Variants in AKAP6 observed in about 807,000 individuals in gnomAD.
AKAP6 encodes the protein A-kinase anchoring protein 6, also known as A-kinase anchor protein 6.
A neutral mutation model predicts 188.5 loss-of-function variants in AKAP6; 58 were observed. The observed-to-expected ratio is 0.31, with a 90% CI of 0.25 to 0.38. AKAP6 has a LOEUF of 0.38. Ranked by LOEUF, AKAP6 falls within the 10% of genes least tolerant of loss-of-function variation. The pLI, the probability that AKAP6 is intolerant of heterozygous loss-of-function variation, is 1.00. For synonymous variants in AKAP6, 989 were observed against 998.6 expected, an observed-to-expected ratio of 0.99 and a Z score of 0.18; for missense variants, 2,710 against 2,740.0, an observed-to-expected ratio of 0.99 and a Z score of 0.24.
chr14:32,632,646 T>G lies in AKAP6; in HGVS notation c.2730+31854T>G, dbSNP rs535163345. 5.9e-5 allele frequency among the ~76,000 whole-genome samples: 9 copies of G among 152,188 alleles called. No individual in the cohort carries two copies. The South Asian group carries it at 1.9e-3, about 32-fold the overall frequency. On this transcript the variant is annotated intron_variant, in intron 7 of 13. Transcript: ENST00000280979. ...GGAACTGAAAAGGGGATCAAAAATC[T>G]GGGCTTTGGACCATAGAAACACTGA...
At chr14:32,602,937 A>C (rs1325217836) in intron 7 of AKAP6, among the ~76,000 whole-genome samples, 1 of 152,210 alleles carries the variant, frequency 6.6e-6, no homozygotes, top group African/African-American at 2.4e-5. Flanking sequence ...AGAGATGAAC[A>C]GCTGGCTTCC....
At chr14:32,750,376 T>C (rs139145551) in intron 11 of AKAP6, among the ~76,000 whole-genome samples, 139 of 152,274 alleles carry the variant, frequency 9.1e-4, no homozygotes, top group Non-Finnish European at 1.6e-3. Context: ...ACTAATATAA[T>C]TATGTCCTTT....
chr14:32,588,556 C>A (rs538438549), intron 5 of AKAP6, among the ~76,000 whole-genome samples: 2 of 152,170 alleles, frequency 1.3e-5, no homozygotes, highest in South Asian at 4.2e-4. Context: ...GTTTTGAGGC[C>A]ATGTTTATAG....
intron 1 of AKAP6, among the ~76,000 whole-genome samples, chr14:32,331,562 T>C (rs1326752417): frequency 6.6e-6 from 1 of 152,124 alleles, no homozygotes; most frequent in Non-Finnish European, 1.5e-5. Flanking sequence ...GCTATCATCC[T>C]AATGTTTTGT....
At position 32,540,660 on chromosome 14, in the gene AKAP6, TTTA is replaced by T. The variant is rs1420637420; in HGVS notation, c.577-4565_577-4563del. Among the ~76,000 whole-genome samples, 6 of 152,128 alleles carry T rather than the reference TTTA, an allele frequency of 3.9e-5. No individual in the cohort carries two copies. The South Asian group carries it at 1.2e-3, about 32-fold the overall frequency. ...CCCTAACTCCATATCTTCCTGAGAC[TTTA>T]TTATGTATACACGTTAGAAAACTAT... On this transcript the variant is annotated intron_variant, in intron 3 of 13. Transcript: ENST00000280979.
intron 9 of AKAP6, among the ~76,000 whole-genome samples, chr14:32,717,888 A>C (rs2030310182): frequency 6.6e-6 from 1 of 152,106 alleles, no homozygotes; most frequent in African/African-American, 2.4e-5. Flanking sequence ...GGCTATTAAA[A>C]ATCTGTTGGG....
chr14:32,474,850 G>C (rs1052099073), intron 2 of AKAP6, among the ~76,000 whole-genome samples: 11 of 152,108 alleles, frequency 7.2e-5, no homozygotes, highest in Admixed American at 2.6e-4. Context: ...ATTTGCTTTG[G>C]AGAATAGGAA....
intron 2 of AKAP6, among the ~76,000 whole-genome samples, chr14:32,475,930 G>A (rs890714963): frequency 2.6e-5 from 4 of 151,766 alleles, no homozygotes; most frequent in South Asian, 2.1e-4. Flanking sequence ...TGATCCGCCC[G>A]CCTCGGCCTC....
intron 12 of AKAP6, among the ~76,000 whole-genome samples, chr14:32,802,213 T>C (rs544294843): frequency 1.6e-4 from 25 of 152,222 alleles, no homozygotes; most frequent in Non-Finnish European, 2.9e-4. Flanking sequence ...ATTGTAATTA[T>C]GTTATACCAC....
At chr14:32,368,136 T>A (rs1255923171) in intron 1 of AKAP6, among the ~76,000 whole-genome samples, 1 of 152,146 alleles carries the variant, frequency 6.6e-6, no homozygotes, top group African/African-American at 2.4e-5. Context: ...CAATTTCTGG[T>A]TAGCACTCTA....
chr14:32,512,512 A>AT (rs758068649), intron 2 of AKAP6, among the ~76,000 whole-genome samples: 27 of 152,328 alleles, frequency 1.8e-4, no homozygotes, highest in South Asian at 6.2e-4. Flanking sequence ...TTATAGGATT[A>AT]TTTGAATGAA....
intron 1 of AKAP6, among the ~76,000 whole-genome samples, chr14:32,424,217 G>A (rs577403408): frequency 1.9e-4 from 29 of 152,016 alleles, no homozygotes; most frequent in South Asian, 4.2e-4. Context: ...AATCTTTTTA[G>A]AATTCTTGCT....
At chr14:32,562,387 CA>C (rs11310770) in intron 4 of AKAP6, among the ~76,000 whole-genome samples, 41,979 of 151,836 alleles carry the variant, frequency 0.28, 5,837 homozygotes, top group East Asian at 0.37. Context: ...ATAAAACTGA[CA>C]AGTTGAGCTA....
intron 1 of AKAP6, among the ~76,000 whole-genome samples, chr14:32,353,292 G>A (rs1887355425): frequency 6.6e-6 from 1 of 152,346 alleles, no homozygotes; most frequent in East Asian, 1.9e-4. Context: ...GCCAGGCGCA[G>A]TGGCTCACGC....
At chr14:32,687,390 C>T (rs983614659) in intron 8 of AKAP6, among the ~76,000 whole-genome samples, 1 of 148,650 alleles carries the variant, frequency 6.7e-6, no homozygotes, top group Non-Finnish European at 1.5e-5. Context: ...CATGCTCTGT[C>T]ATACTAACTA....
At chr14:32,357,189 T>C (rs1392653706) in intron 1 of AKAP6, among the ~76,000 whole-genome samples, 1 of 152,148 alleles carries the variant, frequency 6.6e-6, no homozygotes, top group Non-Finnish European at 1.5e-5. Context: ...ACACAGAGAG[T>C]GTATTTGTTT....
intron 7 of AKAP6, among the ~76,000 whole-genome samples, chr14:32,640,941 C>T (rs980804470): frequency 6.6e-6 from 1 of 152,124 alleles, no homozygotes; most frequent in Non-Finnish European, 1.5e-5. Context: ...TAGCTGCTGC[C>T]ATTTCCCTTT....
At chr14:32,678,538 G>A (rs1027467021) in intron 8 of AKAP6, 79 bp downstream of exon 8, 1 of 1,528,546 alleles carries the variant, frequency 6.5e-7, no homozygotes, top group Admixed American at 1.7e-5. Flanking sequence ...GTGTTAGGAA[G>A]GTATTTCCTC....
At position 32,836,827 on chromosome 14, in the gene AKAP6, G is replaced by C. The variant is rs1407162010; in HGVS notation, c.*7022G>C. ...AATCAACCCCATCGTGCATTTATGT[G>C]CTGCCCCAGGTAATCCACAGGCACA... On this transcript the variant is annotated 3_prime_UTR_variant, in exon 14 of 14. Coordinates refer to ENST00000280979, the MANE Select transcript of AKAP6 (RefSeq NM_004274.5). The C allele has an allele frequency of 6.6e-6, 1 of 152,130 alleles. No individual in the cohort carries two copies. Among genetic ancestry groups the C allele is most frequent in the African/African-American group, 2.4e-5 (1 of 41,426 alleles). 9.4% of individuals were successfully genotyped at this position (152,130 alleles called of 1,614,324 possible).
Sources: allele counts gnomAD v4.1 joint callset (sites outside exome capture counted in the v4.1 genomes callset), GRCh38; gene constraint gnomAD v4.1.1; transcripts MANE v1.5; gene names NCBI Gene and HGNC (gene_info 2026-07-23, HGNC 2026-07-21).